COL4A4: variants seen among roughly 807,000 people sequenced by gnomAD.
COL4A4 encodes collagen type IV alpha 4 chain.
In COL4A4, 105 loss-of-function variants were observed where a neutral mutation model predicts 192.9. The observed-to-expected ratio is 0.54, with a 90% CI of 0.46 to 0.64. The LOEUF is 0.64. Ranked by LOEUF, COL4A4 falls within the 30% of genes least tolerant of loss-of-function variation. The pLI, the probability that COL4A4 is intolerant of heterozygous loss-of-function variation, is 0.00. For synonymous variants in COL4A4, 762 were observed against 769.9 expected (o/e 0.99, Z 0.17); for missense variants, 1,967 against 2,169.3 (o/e 0.91, Z 1.85).
At chr2:227,133,321 G>A (rs988054830) in intron 4 of COL4A4, among the ~76,000 whole-genome samples, 10 of 152,200 alleles carry the variant, frequency 6.6e-5, no homozygotes, top group African/African-American at 2.2e-4. Flanking sequence ...AGCTCTATAC[G>A]TAGACTCGGT....
At chr2:227,140,002 G>A (rs1407273056) in intron 4 of COL4A4, among the ~76,000 whole-genome samples, 159 bp downstream of exon 4, 3 of 152,178 alleles carry the variant, frequency 2.0e-5, no homozygotes, top group Non-Finnish European at 4.4e-5. Context: ...GTCTAATATA[G>A]TTGAGATTGC....
chr2:227,134,447 G>T (rs1296528906), intron 4 of COL4A4, among the ~76,000 whole-genome samples: 5 of 152,146 alleles, frequency 3.3e-5, no homozygotes, highest in African/African-American at 1.2e-4. Flanking sequence ...CATCAAAATG[G>T]AACACAATTG....
intron 1 of COL4A4, among the ~76,000 whole-genome samples, chr2:227,159,595 C>A (rs111937370): frequency 0.041 from 6,204 of 152,238 alleles, 200 homozygotes; most frequent in Admixed American, 0.084. Flanking sequence ...GGGAGGGACC[C>A]AGTGGGAGGT....
chr2:227,092,024 C>A (rs1019586183), intron 20 of COL4A4, among the ~76,000 whole-genome samples: 3 of 151,972 alleles, frequency 2.0e-5, no homozygotes, highest in Admixed American at 2.0e-4. Flanking sequence ...AATGTACCCA[C>A]ACTAAGGCAA....
At chr2:227,080,974 T>A (rs1269349373) in intron 23 of COL4A4, among the ~76,000 whole-genome samples, 1 of 152,198 alleles carries the variant, frequency 6.6e-6, no homozygotes, top group Non-Finnish European at 1.5e-5. Context: ...ATGTAAGAAC[T>A]TGGAGCTGCC....
chr2:227,010,727 A>G (rs1333959503), intron 45 of COL4A4, among the ~76,000 whole-genome samples: 1 of 152,258 alleles, frequency 6.6e-6, no homozygotes, highest in Non-Finnish European at 1.5e-5. Context: ...CCTGGGCTAC[A>G]TTAGCATAAA....
the COL4A4 span, among the ~76,000 whole-genome samples, chr2:226,968,822 A>G: frequency 6.6e-6 from 1 of 152,238 alleles, no homozygotes; most frequent in Non-Finnish European, 1.5e-5. Context: ...AGTTGTTGCT[A>G]TGTGGCTTTT....
chr2:227,123,082 C>A lies in COL4A4; in HGVS notation c.193-1934G>T, dbSNP rs1050588579. On this transcript the variant is annotated intron_variant, in intron 4 of 47. Transcript: ENST00000396625. This position sits in a 1 kb window ranked among gnomAD's most constrained non-coding sequence, Gnocchi z 4.6. Reference sequence around the variant, plus strand: ...GTTTCAGTATGTTGGCCAGGCTGGTCTCGAACTCCTGACCTCAGGTGATCC... The same window carrying A: ...GTTTCAGTATGTTGGCCAGGCTGGTATCGAACTCCTGACCTCAGGTGATCC... 1.3e-5 allele frequency among the ~76,000 whole-genome samples: 2 copies of A among 152,150 alleles called. No individual in the cohort carries two copies. The highest frequency in any genetic ancestry group is 1.3e-4 in the Admixed American group (2 of 15,276).
At chr2:227,041,848 G>GAAAGAGAAAGAAAGAAAGAA (rs1243663359) in intron 37 of COL4A4, among the ~76,000 whole-genome samples, 1 of 38,688 alleles carries the variant, frequency 2.6e-5, no homozygotes, top group African/African-American at 1.2e-4. Flanking sequence ...AAGAAAGAAA[G>GAAAGAGAAAGAAAGAAAGAA]AGAAAGAAAG....
At chr2:226,974,877 C>T in the COL4A4 span, among the ~76,000 whole-genome samples, 12 of 152,306 alleles carry the variant, frequency 7.9e-5, no homozygotes, top group African/African-American at 2.9e-4. Context: ...GGCTCAGGGA[C>T]ATCCTGGAGA....
chr2:227,035,975 G>C (rs955489400), intron 37 of COL4A4, among the ~76,000 whole-genome samples: 2 of 152,150 alleles, frequency 1.3e-5, no homozygotes, highest in Non-Finnish European at 2.9e-5. Flanking sequence ...CATCTGAGTA[G>C]GGTTGTAAGG....
chr2:227,108,888 A>C lies in COL4A4; in HGVS notation c.658-20T>G. The C allele has an allele frequency of 6.2e-7, 1 of 1,609,936 alleles. No individual in the cohort carries two copies. The highest frequency in any genetic ancestry group is 8.5e-7 in the Non-Finnish European group (1 of 1,177,382). On this transcript the variant is annotated intron_variant, in intron 10 of 47. Coordinates refer to ENST00000396625, the MANE Select transcript of COL4A4 (RefSeq NM_000092.5). The stretch of plus-strand genomic sequence containing the variant: ...AGGTCCCTAAATCAAGGGAGAAAAA[A>C]ACACAAATCAATCATCAGACATAGA...
At chr2:227,077,008 T>C (rs546129097) in intron 25 of COL4A4, among the ~76,000 whole-genome samples, 15 of 152,222 alleles carry the variant, frequency 9.9e-5, no homozygotes, top group Middle Eastern at 3.4e-3. Flanking sequence ...GGAGAGGATA[T>C]GGAGAAATAG....
intron 8 of COL4A4, among the ~76,000 whole-genome samples, chr2:227,113,211 G>T (rs909877523): frequency 6.6e-6 from 1 of 152,148 alleles, no homozygotes; most frequent in Non-Finnish European, 1.5e-5. Context: ...CCATGTAGTT[G>T]CCAACAATTG....
chr2:227,023,751 T>G (rs764386625), intron 43 of COL4A4, among the ~76,000 whole-genome samples: 2 of 152,152 alleles, frequency 1.3e-5, no homozygotes, highest in Non-Finnish European at 2.9e-5. Flanking sequence ...CGGTGGCTCA[T>G]GCCTGTAATT....
At chr2:227,017,231 C>G (rs144927247) in intron 44 of COL4A4, among the ~76,000 whole-genome samples, 213 of 152,314 alleles carry the variant, frequency 1.4e-3, no homozygotes, top group Non-Finnish European at 2.4e-3. Flanking sequence ...AGTCCTCACA[C>G]CAGACGTTAT....
the COL4A4 span, among the ~76,000 whole-genome samples, chr2:226,994,554 GT>G: frequency 6.6e-6 from 1 of 152,304 alleles, no homozygotes; most frequent in African/African-American, 2.4e-5. Flanking sequence ...AGCTATAGTA[GT>G]GAAAAGGTAC....
At chr2:227,086,934 A>C (rs548019895) in intron 22 of COL4A4, among the ~76,000 whole-genome samples, 2 of 152,344 alleles carry the variant, frequency 1.3e-5, no homozygotes, top group African/African-American at 4.8e-5. Flanking sequence ...TGACAAGGGT[A>C]CTGCTGGGAC....
chr2:227,064,955 C>T (rs2058206202), intron 25 of COL4A4, among the ~76,000 whole-genome samples: 1 of 152,228 alleles, frequency 6.6e-6, no homozygotes, highest in South Asian at 2.1e-4. Context: ...CGGGTGATTT[C>T]TGCATTTCCA....
Sources: allele counts gnomAD v4.1 joint callset (sites outside exome capture counted in the v4.1 genomes callset), GRCh38; gene constraint gnomAD v4.1.1; non-coding constraint Gnocchi (gnomAD v3.1); transcripts MANE v1.5; gene names NCBI Gene and HGNC (gene_info 2026-07-23, HGNC 2026-07-21).